The following CTNNA3 variants were observed in gnomAD, a reference collection of about 807,000 sequenced individuals.
CTNNA3 encodes catenin alpha 3.
A neutral mutation model predicts 95.7 loss-of-function variants in CTNNA3; 76 were observed. The observed-to-expected ratio is 0.79, with a 90% CI of 0.66 to 0.96. CTNNA3 has a LOEUF of 0.96. Among genes scored for constraint, CTNNA3 ranks in the 40% least tolerant of loss-of-function variants. The pLI is 0.00. For missense variants in CTNNA3, 1,191 were observed against 1,089.8 expected, an observed-to-expected ratio of 1.09 and a Z score of -1.31; for synonymous variants, 431 against 374.4, an observed-to-expected ratio of 1.15 and a Z score of -1.74.
intron 11 of CTNNA3, among the ~76,000 whole-genome samples, chr10:66,470,878 C>A (rs1839103415): frequency 6.6e-6 from 1 of 151,776 alleles, no homozygotes; most frequent in South Asian, 2.1e-4. Flanking sequence ...ATCTGAAGGA[C>A]TAAAGTCTGA....
At chr10:67,551,211 C>T (rs997274061) in intron 3 of CTNNA3, among the ~76,000 whole-genome samples, 3 of 152,134 alleles carry the variant, frequency 2.0e-5, no homozygotes, top group Non-Finnish European at 2.9e-5. Context: ...AATACACAAG[C>T]AGCTGAACAT....
Position 65,919,775 on chromosome 10 carries a change from G to A in CTNNA3, c.*555C>T, listed in dbSNP as rs1201640892. The A allele has an allele frequency of 6.6e-6, 1 of 152,566 alleles. No individual in the cohort carries two copies. The highest frequency in any genetic ancestry group is 1.9e-4 in the East Asian group (1 of 5,198). 9.5% of individuals were successfully genotyped at this position (152,566 alleles called of 1,614,324 possible). On this transcript the variant is annotated 3_prime_UTR_variant, in exon 18 of 18. Transcript: ENST00000433211. The stretch of plus-strand genomic sequence containing the variant: ...ATAATGGATATTAGCCTAATAAGTT[G>A]ACAATGAGTACAGCTATCTAGAGAT...
chr10:67,282,887 C>T (rs912034870), intron 5 of CTNNA3, among the ~76,000 whole-genome samples: 1 of 152,198 alleles, frequency 6.6e-6, no homozygotes, highest in Admixed American at 6.5e-5. Flanking sequence ...GCCATGAAAA[C>T]TAGAATCTCT....
At chr10:66,193,054 A>T (rs2086764515) in intron 13 of CTNNA3, among the ~76,000 whole-genome samples, 1 of 152,202 alleles carries the variant, frequency 6.6e-6, no homozygotes, top group Admixed American at 6.6e-5. Context: ...GAAAAAACAA[A>T]GTTGTGAGTC....
At chr10:67,726,726 A>G (rs372509311) in intron 1 of CTNNA3, among the ~76,000 whole-genome samples, 2 of 1,726 alleles carry the variant, frequency 1.2e-3, no homozygotes, top group East Asian at 0.015. Flanking sequence ...CATATATCAT[A>G]ATATACAATA....
chr10:66,554,449 TTC>T (rs1842329426), intron 10 of CTNNA3, among the ~76,000 whole-genome samples: 1 of 152,170 alleles, frequency 6.6e-6, no homozygotes. Flanking sequence ...TTTTGCCTAA[TTC>T]TCTCTGTTCT....
chr10:67,500,060 TG>T lies in CTNNA3; in HGVS notation c.579+21781del, dbSNP rs138785643. Among the ~76,000 whole-genome samples the T allele has an allele frequency of 0.031, 4,727 of 152,240 alleles. 408 individuals carry two copies. The East Asian group carries it at 0.34, about 11-fold the overall frequency. The stretch of plus-strand genomic sequence containing the variant: ...TTTAGATCTTTCCCACTTTCTCCTG[TG>T]GGCATTTAGTGCTATAAATTTCCCT... On this transcript the variant is annotated intron_variant, in intron 5 of 17. Transcript: ENST00000433211.
At chr10:66,436,517 TTTTTTTTTTG>T in intron 11 of CTNNA3, among the ~76,000 whole-genome samples, 2 of 138,430 alleles carry the variant, frequency 1.4e-5, no homozygotes, top group African/African-American at 5.7e-5. Flanking sequence ...TTTTTTTTTT[TTTTTTTTTTG>T]CTTTCTATTT....
At chr10:67,497,586 C>T (rs1212145882) in intron 5 of CTNNA3, among the ~76,000 whole-genome samples, 1 of 152,204 alleles carries the variant, frequency 6.6e-6, no homozygotes, top group East Asian at 1.9e-4. Context: ...ACGTCCTCTC[C>T]AGCATCTGTT....
rs1006017682 is a variant in CTNNA3, at chr10:66,280,578, G to A, written c.1776C>T (p.Ala592=). ...ACACATTCAATGAGCTTTTGCTTAA[G>A]GCTTCCAAGGCAACATTCACTTGTG... The part of the protein sequence containing the change: ...FVTQVNVALE[A]LSKSSLNVLD... Residue 592 remains alanine (A), a synonymous_variant, in exon 13 of 18, where the codon GCC becomes GCT. Transcript: ENST00000433211. The A allele has an allele frequency of 1.9e-6, 3 of 1,608,154 alleles. No homozygotes were observed. The highest frequency in any genetic ancestry group is 2.7e-5 in the African/African-American group (2 of 74,422).
At chr10:67,391,911 G>C (rs1844507241) in intron 5 of CTNNA3, among the ~76,000 whole-genome samples, 1 of 151,120 alleles carries the variant, frequency 6.6e-6, no homozygotes, top group Non-Finnish European at 1.5e-5. Context: ...AATTCAAGAT[G>C]GATTAAAGAC....
intron 17 of CTNNA3, among the ~76,000 whole-genome samples, chr10:65,948,255 T>C (rs1237119022): frequency 7.8e-6 from 1 of 128,532 alleles, no homozygotes; most frequent in Non-Finnish European, 1.5e-5. Context: ...CACTCCAGCC[T>C]GGGCAACAGA....
intron 13 of CTNNA3, among the ~76,000 whole-genome samples, chr10:66,171,579 T>C (rs1033404561): frequency 2.0e-5 from 3 of 151,492 alleles, no homozygotes; most frequent in African/African-American, 7.3e-5. Context: ...AAAAATGACA[T>C]AAATTAAATG....
chr10:66,045,291 A>G (rs1208860570), intron 15 of CTNNA3, among the ~76,000 whole-genome samples: 1 of 152,200 alleles, frequency 6.6e-6, no homozygotes, highest in Non-Finnish European at 1.5e-5. Context: ...TTTGCTTCCA[A>G]TAGACACTCC....
chr10:66,517,050 A>G (rs1834155077), intron 11 of CTNNA3, among the ~76,000 whole-genome samples: 1 of 152,000 alleles, frequency 6.6e-6, no homozygotes, highest in Non-Finnish European at 1.5e-5. Context: ...GTGAAACTCC[A>G]TCTCTACTAA....
At chr10:66,184,818 C>G (rs1385449033) in intron 13 of CTNNA3, among the ~76,000 whole-genome samples, 1 of 152,176 alleles carries the variant, frequency 6.6e-6, no homozygotes, top group African/African-American at 2.4e-5. Context: ...TTTATTCCTA[C>G]TAATGCATTT....
chr10:65,923,154 T>C (rs1383923245), intron 17 of CTNNA3, among the ~76,000 whole-genome samples: 1 of 152,184 alleles, frequency 6.6e-6, no homozygotes, highest in Non-Finnish European at 1.5e-5. Flanking sequence ...AGTAATCAGT[T>C]AAACTATTTG....
At chr10:67,018,728 C>T (rs1440723178) in intron 7 of CTNNA3, among the ~76,000 whole-genome samples, 6 of 152,144 alleles carry the variant, frequency 3.9e-5, no homozygotes, top group Admixed American at 3.9e-4. Flanking sequence ...ATGAGAATGA[C>T]ATTAATTAAG....
At chr10:67,471,983 TTG>T (rs1847845601) in intron 5 of CTNNA3, among the ~76,000 whole-genome samples, 1 of 152,144 alleles carries the variant, frequency 6.6e-6, no homozygotes, top group African/African-American at 2.4e-5. Flanking sequence ...AGTAGCAAAA[TTG>T]TGTCTTTCTT....
Sources: gnomAD v4.1 joint callset for allele counts (sites outside exome capture counted in the v4.1 genomes callset) on GRCh38, gnomAD v4.1.1 for gene constraint, MANE v1.5 for transcripts, NCBI Gene and HGNC (gene_info 2026-07-23, HGNC 2026-07-21) for gene names.